PDE8B: variants seen among roughly 807,000 people sequenced by gnomAD.
PDE8B encodes high affinity cAMP-specific and IBMX-insensitive 3',5'-cyclic phosphodiesterase 8B.
A neutral mutation model predicts 101.3 loss-of-function variants in PDE8B; 26 were observed. The observed-to-expected ratio is 0.26, with a 90% CI of 0.19 to 0.36. The LOEUF is 0.36. PDE8B is among the 10% of genes least tolerant of loss of function. PDE8B has a pLI of 1.00. For synonymous variants in PDE8B, 424 were observed against 429.3 expected (o/e 0.99, Z 0.15); for missense variants, 810 against 1,163.1 (o/e 0.70, Z 4.42).
At chr5:77,290,765 C>T in intron 1 of PDE8B, 1 of 1,488,476 alleles carries the variant, frequency 6.7e-7, no homozygotes, top group Non-Finnish European at 9.4e-7. Context: ...TCACGGCATT[C>T]AATTTCCCTG....
chr5:77,300,045 G>A (rs1769558831), intron 1 of PDE8B, among the ~76,000 whole-genome samples: 1 of 152,198 alleles, frequency 6.6e-6, no homozygotes, highest in South Asian at 2.1e-4. Flanking sequence ...CTAGACCGTG[G>A]TCAGAGAACC....
At chr5:77,412,286 A>G (rs1395973876) in intron 16 of PDE8B, 51 bp downstream of exon 16, 4 of 1,598,126 alleles carry the variant, frequency 2.5e-6, no homozygotes, top group Non-Finnish European at 3.4e-6. Flanking sequence ...GCCATGCTCA[A>G]ACTCTCACAT....
At chr5:77,304,091 C>T (rs576704847) in intron 1 of PDE8B, among the ~76,000 whole-genome samples, 67 of 152,288 alleles carry the variant, frequency 4.4e-4, no homozygotes, top group African/African-American at 1.6e-3. Flanking sequence ...TCTTCGTCTT[C>T]ACTAGATATC....
chr5:77,107,717 A>C, the PDE8B span, among the ~76,000 whole-genome samples: 1 of 152,228 alleles, frequency 6.6e-6, no homozygotes. Flanking sequence ...TGGCAATTCT[A>C]AACAAAGCCA....
At chr5:77,274,982 A>G (rs1763553379) in intron 1 of PDE8B, among the ~76,000 whole-genome samples, 1 of 152,180 alleles carries the variant, frequency 6.6e-6, no homozygotes, top group Non-Finnish European at 1.5e-5. Flanking sequence ...GGCCCACTAA[A>G]AGAAATATTT....
intron 12 of PDE8B, 105 bp from the exon 13 acceptor site, chr5:77,407,276 G>T: frequency 1.2e-6 from 1 of 834,228 alleles, no homozygotes; most frequent in East Asian, 2.4e-5. Context: ...AGGTGGGAGG[G>T]TGGCCCTGTG....
the PDE8B span, chr5:77,088,385 A>G: frequency 6.6e-6 from 1 of 151,328 alleles, no homozygotes; most frequent in Admixed American, 6.6e-5. Flanking sequence ...CCTTTTTGCA[A>G]GCGCAGAGGG....
At chr5:77,331,494 C>T (rs776958085) in intron 5 of PDE8B, 35 bp downstream of exon 5, 2 of 1,534,770 alleles carry the variant, frequency 1.3e-6, no homozygotes, top group Non-Finnish European at 1.8e-6. Context: ...CTCTCAGTTG[C>T]AGGCACCTTA....
At chr5:77,200,568 AATTTTG>A in the PDE8B span, among the ~76,000 whole-genome samples, 1 of 151,964 alleles carries the variant, frequency 6.6e-6, no homozygotes, top group Non-Finnish European at 1.5e-5. Flanking sequence ...TTTTTTAAAA[AATTTTG>A]TTTTGTTTTG....
chr5:77,347,041 T>C (rs1263118958), intron 7 of PDE8B, among the ~76,000 whole-genome samples: 1 of 152,226 alleles, frequency 6.6e-6, no homozygotes, highest in Non-Finnish European at 1.5e-5. Flanking sequence ...CCTATCTGTG[T>C]CTGTCTATCC....
intron 10 of PDE8B, among the ~76,000 whole-genome samples, chr5:77,368,423 T>C (rs1468768926): frequency 6.6e-6 from 1 of 152,222 alleles, no homozygotes; most frequent in Non-Finnish European, 1.5e-5. Flanking sequence ...TACACCCTGT[T>C]ACTCCTGGCT....
the PDE8B span, chr5:77,104,869 A>G: frequency 2.6e-5 from 4 of 152,026 alleles, no homozygotes; most frequent in African/African-American, 4.8e-5. Flanking sequence ...AGTAGGCTTT[A>G]GAAATGTATA....
rs1193119619 is a variant in PDE8B, at chr5:77,402,367, ATTAT to A, written c.1210+2081_1210+2084del. On this transcript the variant is annotated intron_variant, in intron 11 of 21. Coordinates refer to ENST00000264917, the MANE Select transcript of PDE8B (RefSeq NM_003719.5). ...TAGTATAATAAATATTTTAAGTTAG[ATTAT>A]TTAAGATAAGGTGCTATAGCTATGG... 2.0e-5 allele frequency among the ~76,000 whole-genome samples: 3 copies of A among 152,302 alleles called. No homozygotes were observed. In the East Asian group the frequency reaches 5.8e-4, roughly 29 times the overall value.
chr5:77,226,664 T>C (rs1284402916), intron 1 of PDE8B, among the ~76,000 whole-genome samples: 2 of 152,244 alleles, frequency 1.3e-5, no homozygotes, highest in Admixed American at 6.5e-5. Flanking sequence ...CTGCCTATCA[T>C]ACAAAGACTT....
At chr5:77,285,234 A>G (rs1765762873) in intron 1 of PDE8B, among the ~76,000 whole-genome samples, 1 of 152,160 alleles carries the variant, frequency 6.6e-6, no homozygotes, top group African/African-American at 2.4e-5. Context: ...ACAGTATTTT[A>G]TGTTCACCTA....
intron 10 of PDE8B, among the ~76,000 whole-genome samples, chr5:77,364,995 A>G (rs1350961527): frequency 6.6e-6 from 1 of 152,208 alleles, no homozygotes; most frequent in African/African-American, 2.4e-5. Context: ...AGGCAGATTC[A>G]TAAGAAGCCA....
At chr5:77,237,105 T>C (rs889350305) in intron 1 of PDE8B, among the ~76,000 whole-genome samples, 2 of 152,220 alleles carry the variant, frequency 1.3e-5, no homozygotes, top group Admixed American at 1.3e-4. Context: ...TTGATTAGTA[T>C]TCACCTGGTT....
At chr5:77,220,704 T>G (rs921715772) in intron 1 of PDE8B, among the ~76,000 whole-genome samples, 11 of 152,198 alleles carry the variant, frequency 7.2e-5, no homozygotes, top group African/African-American at 9.6e-5. Context: ...AAACATAAAA[T>G]TGAATTAGAA....
At chr5:77,288,839 CT>C (rs55906951) in intron 1 of PDE8B, among the ~76,000 whole-genome samples, 21,498 of 128,264 alleles carry the variant, frequency 0.17, 1,352 homozygotes, top group African/African-American at 0.25. Flanking sequence ...CTGCCCCCAT[CT>C]TTTTTTTTTT....
Sources: gnomAD v4.1 joint callset for allele counts (sites outside exome capture counted in the v4.1 genomes callset) on GRCh38, gnomAD v4.1.1 for gene constraint, MANE v1.5 for transcripts, NCBI Gene and HGNC (gene_info 2026-07-23, HGNC 2026-07-21) for gene names.